Variants in FAF1 observed in about 807,000 individuals in gnomAD.
FAF1 encodes Fas associated factor 1, also known as FAS-associated factor 1.
Under a neutral mutation model 92.5 loss-of-function variants are expected in FAF1, and 25 were observed. The ratio of observed to expected loss-of-function variants is 0.27; its 90% CI spans 0.20 to 0.38. FAF1 has a LOEUF of 0.38. FAF1 is among the 10% of genes least tolerant of loss of function. The probability of loss-of-function intolerance (pLI) is 1.00; values close to 1 mark genes in which losing one functional copy is unlikely to be tolerated. For missense variants in FAF1, 636 were observed against 793.3 expected (o/e 0.80, Z 2.38); for synonymous variants, 234 against 273.2 (o/e 0.86, Z 1.42).
chr1:50,497,395 G>C (rs964934834), intron 15 of FAF1, among the ~76,000 whole-genome samples: 2 of 151,992 alleles, frequency 1.3e-5, no homozygotes, highest in Non-Finnish European at 2.9e-5. Context: ...AATAGTATAT[G>C]TATTACAGTA....
At chr1:50,873,877 A>C (rs1414617717) in intron 1 of FAF1, among the ~76,000 whole-genome samples, 1 of 152,162 alleles carries the variant, frequency 6.6e-6, no homozygotes, top group African/African-American at 2.4e-5. Flanking sequence ...AGGCTAAGCA[A>C]ATCTTGGGTC....
In FAF1 at chr1:50,826,952, G is replaced by A. The variant is rs183005783; in HGVS notation, c.115-25275C>T. 2.5e-3 allele frequency among the ~76,000 whole-genome samples: 348 copies of A among 140,610 alleles called. 11 individuals are homozygous for A. In the East Asian group the frequency reaches 0.066, roughly 26 times the overall value. 92.2% of individuals were successfully genotyped at this position (140,610 alleles called of 152,430 possible). A position where few individuals can be genotyped will look rare whatever the true frequency, so the allele number is the denominator to read the frequency against. ...AGGAGCGCCTGTGCCCGGCCGCCCC[G>A]TCTGGGAGGTGAGGAGTGCCTCTGC... On this transcript the variant is annotated intron_variant, in intron 2 of 18. Transcript: ENST00000396153.
intron 2 of FAF1, among the ~76,000 whole-genome samples, chr1:50,831,656 G>A (rs1644153894): frequency 6.6e-6 from 1 of 152,146 alleles, no homozygotes; most frequent in African/African-American, 2.4e-5. Context: ...GGGTTGAATA[G>A]TGTGTCTAAA....
intron 7 of FAF1, among the ~76,000 whole-genome samples, chr1:50,668,442 C>G (rs371307386): frequency 6.6e-6 from 1 of 152,302 alleles, no homozygotes; most frequent in East Asian, 1.9e-4. Context: ...CAGCATTACT[C>G]TCAGAGATTT....
At chr1:50,885,421 A>G (rs1225206741) in intron 1 of FAF1, among the ~76,000 whole-genome samples, 4 of 151,662 alleles carry the variant, frequency 2.6e-5, no homozygotes, top group African/African-American at 9.7e-5. Flanking sequence ...CGCTGAACTG[A>G]GCCCTTTATC....
chr1:50,661,513 C>T (rs535020626), intron 7 of FAF1, among the ~76,000 whole-genome samples: 17 of 152,264 alleles, frequency 1.1e-4, no homozygotes, highest in African/African-American at 4.1e-4. Context: ...TACCCTGAAA[C>T]TACAGCCATC....
At chr1:50,598,917 C>G (rs1024059133) in intron 8 of FAF1, among the ~76,000 whole-genome samples, 30 of 151,722 alleles carry the variant, frequency 2.0e-4, no homozygotes, top group Admixed American at 1.5e-3. Flanking sequence ...TTGCAGTAAG[C>G]TGAGATTGTG....
chr1:50,588,145 G>A (rs1651329825), intron 9 of FAF1, among the ~76,000 whole-genome samples: 1 of 152,100 alleles, frequency 6.6e-6, no homozygotes, highest in African/African-American at 2.4e-5. Context: ...AAATTAGCCT[G>A]GTGCGGTGGC....
chr1:50,740,266 G>A (rs1325743867), intron 5 of FAF1, among the ~76,000 whole-genome samples: 1 of 152,026 alleles, frequency 6.6e-6, no homozygotes, highest in East Asian at 1.9e-4. Context: ...TTTTAAACAG[G>A]GCCATCAAGG....
In FAF1 at chr1:50,656,512, C is replaced by T. The variant is rs369495877; in HGVS notation, c.658-984G>A. ...ATTTTTCCCAACATGCAACATTATACCTTTTACTTTGAAAGGAAAGGAGGT... is the reference window on the plus strand; with the variant it reads ...ATTTTTCCCAACATGCAACATTATATCTTTTACTTTGAAAGGAAAGGAGGT... On this transcript the variant is annotated intron_variant, in intron 7 of 18. Coordinates refer to ENST00000396153, the MANE Select transcript of FAF1 (RefSeq NM_007051.3). 3.3e-5 allele frequency among the ~76,000 whole-genome samples: 5 copies of T among 152,260 alleles called. No homozygotes were observed. The South Asian group carries it at 1.0e-3, about 32-fold the overall frequency.
intron 18 of FAF1, among the ~76,000 whole-genome samples, chr1:50,446,984 A>G (rs1162165096): frequency 6.6e-6 from 1 of 151,682 alleles, no homozygotes; most frequent in East Asian, 1.9e-4. Context: ...GTTCCCTAAT[A>G]ATTTTCATAG....
chr1:50,804,786 A>G (rs943408895), intron 2 of FAF1, among the ~76,000 whole-genome samples: 3 of 152,314 alleles, frequency 2.0e-5, no homozygotes, highest in South Asian at 2.1e-4. Flanking sequence ...AGAGAGACAA[A>G]AAAAGCCACA....
intron 8 of FAF1, among the ~76,000 whole-genome samples, chr1:50,621,651 C>A (rs1354733919): frequency 1.3e-5 from 2 of 151,864 alleles, no homozygotes; most frequent in South Asian, 4.1e-4. Context: ...CCACCCACCT[C>A]GGCCTCCCAA....
In FAF1 at chr1:50,657,317, A is replaced by AC. The variant is rs769723165; in HGVS notation, c.658-1790_658-1789insG. ...AATAATGGAGAGATTATCCATTTTA[A>AC]TTAATTCTTCAAGTTAATTATGGCA... On this transcript the variant is annotated intron_variant, in intron 7 of 18. Coordinates refer to ENST00000396153, the MANE Select transcript of FAF1 (RefSeq NM_007051.3). Among the ~76,000 whole-genome samples, 1,007 of 152,246 alleles carry AC rather than the reference A, an allele frequency of 6.6e-3. 4 individuals are homozygous for AC. Among genetic ancestry groups the AC allele is most frequent in the Non-Finnish European group, 0.011 (732 of 68,012 alleles).
chr1:50,651,003 G>T (rs1042646221), intron 8 of FAF1, among the ~76,000 whole-genome samples: 9 of 152,134 alleles, frequency 5.9e-5, no homozygotes, highest in Non-Finnish European at 1.3e-4. Flanking sequence ...AAGAAAATAC[G>T]TTAACTCTGA....
chr1:50,947,751 T>C (rs1419525001), intron 1 of FAF1, among the ~76,000 whole-genome samples: 2 of 152,252 alleles, frequency 1.3e-5, no homozygotes. Context: ...TCTCTATATA[T>C]GCATCACTTT....
intron 8 of FAF1, among the ~76,000 whole-genome samples, chr1:50,619,779 A>G (rs894524789): frequency 6.6e-6 from 1 of 152,130 alleles, no homozygotes; most frequent in African/African-American, 2.4e-5. Context: ...CTGGATTTGC[A>G]TATCAATTTT....
At chr1:50,465,456 T>C (rs191206350) in intron 18 of FAF1, among the ~76,000 whole-genome samples, 43 of 152,330 alleles carry the variant, frequency 2.8e-4, no homozygotes, top group African/African-American at 9.1e-4. Context: ...ATTTGCATCA[T>C]TCATTCATTC....
chr1:50,745,776 AAAAC>A (rs1441063909), intron 4 of FAF1, among the ~76,000 whole-genome samples: 1 of 152,204 alleles, frequency 6.6e-6, no homozygotes, highest in Non-Finnish European at 1.5e-5. Flanking sequence ...TAGCAGTGTG[AAAAC>A]AAACTAACAG....
Sources: allele counts gnomAD v4.1 joint callset (sites outside exome capture counted in the v4.1 genomes callset), GRCh38; gene constraint gnomAD v4.1.1; transcripts MANE v1.5; gene names NCBI Gene and HGNC (gene_info 2026-07-23, HGNC 2026-07-21).